Variants in DMD observed in about 807,000 individuals in gnomAD.
DMD encodes the protein mutant dystrophin.
In DMD, 63 loss-of-function variants were observed where a neutral mutation model predicts 330.1. That is an observed-to-expected ratio of 0.19 (90% CI 0.16 to 0.24). The LOEUF is 0.24. Among genes scored for constraint, DMD ranks in the 10% least tolerant of loss-of-function variants. The probability of loss-of-function intolerance (pLI) is 1.00; values close to 1 mark genes in which losing one functional copy is unlikely to be tolerated. For missense variants in DMD, 3,344 were observed against 2,684.1 expected, an observed-to-expected ratio of 1.25 and a Z score of -5.43; for synonymous variants, 1,223 against 959.8, an observed-to-expected ratio of 1.27 and a Z score of -5.07.
At chrX:31,756,011 T>C (rs1332991613) in intron 51 of DMD, among the ~76,000 whole-genome samples, 1 of 111,438 alleles carries the variant, frequency 9.0e-6, no homozygotes, top group African/African-American at 3.3e-5. Context: ...CATGTTTGTG[T>C]GCGTGAGAGA....
chrX:31,261,051 T>TTGTCTAAAGTCTTGACTAC (rs780664572), intron 62 of DMD, 35 bp from the exon 63 acceptor site: 1 of 1,121,239 alleles, frequency 8.9e-7, no homozygotes, highest in Admixed American at 2.2e-5. Context: ...ACTTTAGCAT[T>TTGTCTAAAGTCTTGACTAC]TACAATGAGT....
At chrX:31,177,351 T>C (rs748684418) in intron 71 of DMD, among the ~76,000 whole-genome samples, 2 of 111,475 alleles carry the variant, frequency 1.8e-5, no homozygotes, top group Non-Finnish European at 3.8e-5. Context: ...AAAGTGAGTT[T>C]AGTTCAAAAT....
intron 44 of DMD, among the ~76,000 whole-genome samples, chrX:32,185,277 G>A (rs1421265602): frequency 3.6e-5 from 4 of 110,158 alleles, no homozygotes; most frequent in South Asian, 3.8e-4. Context: ...CATTGAATGA[G>A]GGAGCCAAAC....
chrX:32,916,713 C>G (rs1601906417), intron 2 of DMD, among the ~76,000 whole-genome samples: 2 of 111,152 alleles, frequency 1.8e-5, no homozygotes, highest in South Asian at 3.7e-4. Flanking sequence ...CAAGCACAGC[C>G]CAGTAATATT....
chrX:32,170,333 G>A (rs1306053394), intron 44 of DMD, among the ~76,000 whole-genome samples: 5 of 109,086 alleles, frequency 4.6e-5, no homozygotes, highest in African/African-American at 1.7e-4. Flanking sequence ...TTAACTGGGA[G>A]GGGTGGTGCA....
intron 60 of DMD, among the ~76,000 whole-genome samples, chrX:31,421,914 CATATAT>C (rs1266640554): frequency 3.1e-5 from 2 of 64,116 alleles, no homozygotes; most frequent in Admixed American, 1.7e-4. Flanking sequence ...CACACACACA[CATATAT>C]ATATATATAT....
At chrX:32,530,716 T>A (rs770973848) in intron 17 of DMD, among the ~76,000 whole-genome samples, 1 of 112,229 alleles carries the variant, frequency 8.9e-6, no homozygotes, top group Admixed American at 9.5e-5. Flanking sequence ...AATAAAATGC[T>A]GCTAAGCCAC....
intron 44 of DMD, among the ~76,000 whole-genome samples, chrX:32,126,605 C>G (rs1192331145): frequency 8.9e-6 from 1 of 112,009 alleles, no homozygotes; most frequent in Non-Finnish European, 1.9e-5. Flanking sequence ...TTGATGTGTT[C>G]GCACAATTAA....
chrX:32,435,964 C>T (rs1471234897), intron 29 of DMD, among the ~76,000 whole-genome samples: 1 of 111,994 alleles, frequency 8.9e-6, no homozygotes, highest in Non-Finnish European at 1.9e-5. Flanking sequence ...ATGAATACAC[C>T]AGACAGCTTT....
chrX:32,491,043 C>T (rs1000894175), intron 20 of DMD, among the ~76,000 whole-genome samples: 2 of 112,312 alleles, frequency 1.8e-5, no homozygotes, highest in Non-Finnish European at 1.9e-5. Context: ...TTACGCAAAC[C>T]GACACAATCA....
intron 37 of DMD, among the ~76,000 whole-genome samples, chrX:32,355,551 C>A (rs2097796107): frequency 9.0e-6 from 1 of 111,696 alleles, no homozygotes; most frequent in African/African-American, 3.3e-5. Context: ...TCACCAAACT[C>A]AATTACACAT....
intron 59 of DMD, 68 bp downstream of exon 59, chrX:31,478,038 A>G (rs1279339914): frequency 1.8e-6 from 2 of 1,132,371 alleles, no homozygotes; most frequent in African/African-American, 3.6e-5. Flanking sequence ...ATAACACTGC[A>G]CTCAAGTTCA....
At chrX:32,169,851 C>T (rs780517157) in intron 44 of DMD, among the ~76,000 whole-genome samples, 14 of 108,775 alleles carry the variant, frequency 1.3e-4, no homozygotes, top group Middle Eastern at 4.8e-3. Context: ...CATTTCATTT[C>T]GACTTATCTT....
intron 1 of DMD, among the ~76,000 whole-genome samples, chrX:33,119,851 G>A (rs867412694): frequency 7.2e-5 from 8 of 111,496 alleles, no homozygotes; most frequent in African/African-American, 2.3e-4. Context: ...CAAAATATAT[G>A]GATGATATAT....
chrX:31,235,545 C>A (rs1310129204), intron 63 of DMD, among the ~76,000 whole-genome samples: 3 of 112,320 alleles, frequency 2.7e-5, no homozygotes, highest in African/African-American at 9.7e-5. Flanking sequence ...TTCACTTATC[C>A]TTGGCATCTA....
intron 54 of DMD, among the ~76,000 whole-genome samples, chrX:31,657,223 A>G (rs1377709275): frequency 2.7e-5 from 3 of 111,645 alleles, no homozygotes; most frequent in Non-Finnish European, 5.7e-5. Flanking sequence ...ACATTCTGCA[A>G]AGGGAGTCAT....
rs746037137 is a variant in DMD, at chrX:31,495,007, G to A, written c.8547+1781C>T. On this transcript the variant is annotated intron_variant, in intron 57 of 78. Coordinates refer to ENST00000357033, the MANE Select transcript of DMD (RefSeq NM_004006.3). ...AGTGCTTTTCTATATGTACACCAGA[G>A]TGTTTTGGCTGTTTATTCAAAGTCA... Among the ~76,000 whole-genome samples, 48 of 111,891 alleles carry A rather than the reference G, an allele frequency of 4.3e-4. No homozygotes were observed. The South Asian group carries it at 0.018, about 42-fold the overall frequency.
intron 1 of DMD, among the ~76,000 whole-genome samples, chrX:33,290,460 C>T (rs1247973475): frequency 3.6e-5 from 4 of 111,447 alleles, no homozygotes; most frequent in African/African-American, 1.3e-4. Context: ...ATGCTAAACA[C>T]GAACTATAGG....
At chrX:32,272,898 T>C (rs1257467967) in intron 43 of DMD, among the ~76,000 whole-genome samples, 1 of 110,003 alleles carries the variant, frequency 9.1e-6, no homozygotes, top group Non-Finnish European at 1.9e-5. Flanking sequence ...GTCAGTGAAT[T>C]AGTAAGCAAA....
Sources: allele counts gnomAD v4.1 joint callset (sites outside exome capture counted in the v4.1 genomes callset), GRCh38; gene constraint gnomAD v4.1.1; transcripts MANE v1.5; gene names NCBI Gene and HGNC (gene_info 2026-07-23, HGNC 2026-07-21).